Variants in FAT4 observed in about 807,000 individuals in gnomAD.
The protein encoded by FAT4 is protocadherin Fat 4.
Under a neutral mutation model 303.9 loss-of-function variants are expected in FAT4, and 84 were observed. The observed-to-expected ratio is 0.28, with a 90% CI of 0.23 to 0.33. The LOEUF is 0.33. FAT4 is among the 10% of genes least tolerant of loss of function. The pLI is 1.00. For missense variants in FAT4, 6,005 were observed against 6,146.8 expected (o/e 0.98, Z 0.77); for synonymous variants, 2,307 against 2,298.8 (o/e 1.00, Z -0.10).
rs1278482803 is a variant in FAT4, at chr4:125,446,316, C to T, written c.7223C>T (p.Ser2408Phe). The T allele has an allele frequency of 1.2e-6, 2 of 1,612,946 alleles. No homozygotes were observed. Among genetic ancestry groups the T allele is most frequent in the Non-Finnish European group, 8.5e-7 (1 of 1,179,172 alleles). ...AGTTATAGGATCATCGGTGGAAACT[C>T]TCAGTTCACGATCAACCCATCGACA... Reference protein sequence around the residue: ...VISYRIIGGNSQFTINPSTGQ... With the variant: ...VISYRIIGGNFQFTINPSTGQ... The change falls in exon 9 of 18, where the codon TCT (serine) becomes TTT (phenylalanine). Residue 2408 changes from serine to phenylalanine, a missense_variant. Ser to Phe is a radical substitution (Grantham distance 155). Coordinates refer to ENST00000394329, the MANE Select transcript of FAT4 (RefSeq NM_001291303.3).
In FAT4 at chr4:125,321,348, C is replaced by T. The variant is rs769765728; in HGVS notation, c.4937C>T (p.Thr1646Ile). The T allele has an allele frequency of 8.1e-6, 13 of 1,614,034 alleles. No homozygotes were observed. Among genetic ancestry groups the T allele is most frequent in the Non-Finnish European group, 1.1e-5 (13 of 1,180,020 alleles). Residue 1646 changes from threonine to isoleucine, a missense_variant, in exon 2 of 18, where the codon ACA (threonine) becomes ATA (isoleucine). Physicochemically the swap from Thr to Ile is moderately conservative, Grantham distance 89. Coordinates refer to ENST00000394329, the MANE Select transcript of FAT4 (RefSeq NM_001291303.3). ...TILKEGEPIG[T>I]NVISIEAASP... ...TTGAAGGAAGGAGAACCCATTGGCA[C>T]AAACGTGATATCAATAGAAGCAGCT... is the stretch of plus-strand genomic sequence containing the variant.
At chr4:125,438,014 A>G (rs1223963410) in intron 8 of FAT4, among the ~76,000 whole-genome samples, 1 of 152,200 alleles carries the variant, frequency 6.6e-6, no homozygotes, top group African/African-American at 2.4e-5. Flanking sequence ...CTACCTGTCT[A>G]TCATTTGTTA....
At chr4:125,443,337 T>G (rs2126052093) in intron 8 of FAT4, among the ~76,000 whole-genome samples, 1 of 152,300 alleles carries the variant, frequency 6.6e-6, no homozygotes, top group South Asian at 2.1e-4. Flanking sequence ...GAACAAATTC[T>G]ATATTGACAC....
intron 2 of FAT4, among the ~76,000 whole-genome samples, chr4:125,330,871 G>T (rs2663259): frequency 0.74 from 112,615 of 151,982 alleles, 42,623 homozygotes; most frequent in African/African-American, 0.89. Flanking sequence ...GACCCTAGTT[G>T]ACTGCTCTTA....
chr4:125,359,281 C>G (rs1034378257), intron 2 of FAT4, among the ~76,000 whole-genome samples: 1 of 152,110 alleles, frequency 6.6e-6, no homozygotes, highest in Non-Finnish European at 1.5e-5. Context: ...TGGAAAAAAT[C>G]TTCTTACTCT....
intron 16 of FAT4, among the ~76,000 whole-genome samples, chr4:125,486,483 T>C (rs1046228794): frequency 1.3e-5 from 2 of 152,194 alleles, no homozygotes; most frequent in Non-Finnish European, 2.9e-5. Flanking sequence ...TTCCCGTTAT[T>C]TGAGGAACAG....
At chr4:125,418,139 TG>T (rs1735143292) in intron 7 of FAT4, among the ~76,000 whole-genome samples, 2 of 152,300 alleles carry the variant, frequency 1.3e-5, no homozygotes, top group South Asian at 2.1e-4. Flanking sequence ...CGGAAAAATA[TG>T]GCAGCTATTA....
At chr4:125,396,784 G>A (rs560770007) in intron 2 of FAT4, among the ~76,000 whole-genome samples, 3 of 152,024 alleles carry the variant, frequency 2.0e-5, no homozygotes, top group East Asian at 3.9e-4. Context: ...GAATTATGAT[G>A]CATTCAGTTA....
Position 125,487,538 on chromosome 4 carries a change from G to T in FAT4, c.13016G>T (p.Gly4339Val). 6.2e-7 allele frequency: 1 copy of T among 1,613,772 alleles called. No homozygotes were observed. Among genetic ancestry groups the T allele is most frequent in the South Asian group, 1.1e-5 (1 of 91,006 alleles). ...ATCCACCCTACTCAGGACTTCGGTG[G>T]CCTTGATGTGCTTACTATATCACTT... is the stretch of plus-strand genomic sequence containing the variant. ...DIIHPTQDFG[G>V]LDVLTISLGG... Residue 4339 changes from glycine (G) to valine (V), a missense_variant, in exon 17 of 18, where the codon GGC becomes GTC. Coordinates refer to ENST00000394329, the MANE Select transcript of FAT4 (RefSeq NM_001291303.3).
chr4:125,392,294 A>G (rs780888408), intron 2 of FAT4, among the ~76,000 whole-genome samples: 1 of 152,158 alleles, frequency 6.6e-6, no homozygotes, highest in Non-Finnish European at 1.5e-5. Flanking sequence ...ACAATATTAC[A>G]TGAGACAATT....
intron 2 of FAT4, among the ~76,000 whole-genome samples, chr4:125,383,749 T>G (rs188576110): frequency 2.2e-4 from 33 of 152,322 alleles, no homozygotes; most frequent in African/African-American, 7.9e-4. Flanking sequence ...CATGAAATTC[T>G]AGACTCTGAG....
chr4:125,482,902 C>G lies in FAT4; in HGVS notation c.12822+1164C>G, dbSNP rs143909552. 2.4e-3 allele frequency among the ~76,000 whole-genome samples: 367 copies of G among 152,254 alleles called. 1 individual carries two copies. Among genetic ancestry groups the G allele is most frequent in the African/African-American group, 8.5e-3 (351 of 41,536 alleles). ...CTTACCTTCTCAAATGATAATTCCT[C>G]TAGTCCAGTCATTTCCAACTAGGAT... On this transcript the variant is annotated intron_variant, in intron 16 of 17. Transcript: ENST00000394329.
chr4:125,488,116 T>C (rs910774026), intron 17 of FAT4, among the ~76,000 whole-genome samples: 1 of 152,202 alleles, frequency 6.6e-6, no homozygotes, highest in Non-Finnish European at 1.5e-5. Context: ...TGCTGTGGAA[T>C]TGACATGTAT....
rs772614378 is a variant in FAT4 at position 125,398,864 on chromosome 4, C to T, written c.5256C>T (p.Asn1752=). The change falls in exon 3 of 18, where the codon AAC becomes AAT. Residue 1752 remains asparagine (N), a synonymous_variant. Coordinates refer to ENST00000394329, the MANE Select transcript of FAT4 (RefSeq NM_001291303.3). ...TDMLDLTVEE[N]IGDGSKIMQL... ...TGCTGGATCTCACGGTAGAGGAGAA[C>T]ATTGGAGATGGCTCTAAGATTATGC... 10 of 1,613,122 alleles carry T rather than the reference C, an allele frequency of 6.2e-6. No homozygotes were observed. Among genetic ancestry groups the T allele is most frequent in the Non-Finnish European group, 6.8e-6 (8 of 1,179,278 alleles).
intron 7 of FAT4, among the ~76,000 whole-genome samples, chr4:125,422,365 C>A (rs1279218989): frequency 6.6e-6 from 1 of 152,148 alleles, no homozygotes; most frequent in Non-Finnish European, 1.5e-5. Flanking sequence ...CAAATCGCAT[C>A]TTGAATTGTG....
chr4:125,400,054 C>T (rs921522104), intron 3 of FAT4, among the ~76,000 whole-genome samples: 1 of 151,674 alleles, frequency 6.6e-6, no homozygotes, highest in African/African-American at 2.4e-5. Context: ...AAAGTAGCAG[C>T]AATAACAAAA....
intron 2 of FAT4, among the ~76,000 whole-genome samples, chr4:125,371,496 T>A (rs1733113003): frequency 6.6e-6 from 1 of 151,806 alleles, no homozygotes; most frequent in African/African-American, 2.4e-5. Flanking sequence ...CATGAGAAAC[T>A]GACATGATTT....
At position 125,316,853 on chromosome 4, in the gene FAT4, A is replaced by G. The variant is rs1164737344; in HGVS notation, c.442A>G (p.Ser148Gly). ...TATCGTGGTCACTTTCAAGGAAGAC[A>G]GTAGCAGCGGACGCCAAGTCATCTT... ...PSIVVTFKED[S>G]SSGRQVILDT... The change falls in exon 2 of 18, where the codon AGT becomes GGT. Residue 148 changes from serine (S) to glycine (G), a missense_variant. Coordinates refer to ENST00000394329, the MANE Select transcript of FAT4 (RefSeq NM_001291303.3). The surrounding 1 kb of genome is among the most constrained non-coding windows in gnomAD (Gnocchi z 5.7). 2 of 1,614,110 alleles carry G rather than the reference A, an allele frequency of 1.2e-6. No homozygotes were observed. The highest frequency in any genetic ancestry group is 1.7e-5 in the Admixed American group (1 of 60,024).
intron 5 of FAT4, among the ~76,000 whole-genome samples, chr4:125,413,016 C>T (rs923067651): frequency 3.3e-5 from 5 of 151,504 alleles, no homozygotes; most frequent in South Asian, 2.1e-4. Context: ...TAGAAACACA[C>T]GTATACACAT....
Sources: gnomAD v4.1 joint callset for allele counts (sites outside exome capture counted in the v4.1 genomes callset) on GRCh38, gnomAD v4.1.1 for gene constraint, Gnocchi (gnomAD v3.1) non-coding constraint, MANE v1.5 for transcripts, NCBI Gene and HGNC (gene_info 2026-07-23, HGNC 2026-07-21) for gene names.